The following SLC22A23 variants were observed in gnomAD, a reference collection of about 807,000 sequenced individuals.
The protein encoded by SLC22A23 is ion transporter protein.
SLC22A23 carries 26 observed loss-of-function variants against 61.0 expected under a neutral mutation model. The ratio of observed to expected loss-of-function variants is 0.43; its 90% CI spans 0.31 to 0.59. The LOEUF is 0.59. Among genes scored for constraint, SLC22A23 ranks in the 20% least tolerant of loss-of-function variants. The pLI is 0.11. For missense variants in SLC22A23, 796 were observed against 934.7 expected, an observed-to-expected ratio of 0.85 and a Z score of 1.94; for synonymous variants, 430 against 413.9, an observed-to-expected ratio of 1.04 and a Z score of -0.47.
At chr6:3,298,978 C>CAAA (rs56373817) in intron 4 of SLC22A23, among the ~76,000 whole-genome samples, 1 of 104,132 alleles carries the variant, frequency 9.6e-6, no homozygotes. Context: ...GACTCCGTCT[C>CAAA]AAAAAAAAAA....
At chr6:3,296,126 T>G (rs572619144) in intron 5 of SLC22A23, among the ~76,000 whole-genome samples, 9 of 152,184 alleles carry the variant, frequency 5.9e-5, no homozygotes, top group Non-Finnish European at 1.2e-4. Flanking sequence ...ACAAACAAAT[T>G]GTACTGTAAG....
chr6:3,428,822 A>G (rs1025192008), intron 1 of SLC22A23, among the ~76,000 whole-genome samples: 24 of 152,218 alleles, frequency 1.6e-4, no homozygotes, highest in African/African-American at 5.5e-4. Context: ...AAGGGTAACA[A>G]TAAGTGTTCA....
chr6:3,385,520 A>G (rs1191644797), intron 3 of SLC22A23, among the ~76,000 whole-genome samples: 2 of 145,180 alleles, frequency 1.4e-5, no homozygotes, highest in African/African-American at 5.3e-5. Flanking sequence ...TGTCTCAAAA[A>G]ACAAAAAAAA....
intron 3 of SLC22A23, among the ~76,000 whole-genome samples, chr6:3,356,560 AG>A (rs2127441834): frequency 6.6e-6 from 1 of 152,236 alleles, no homozygotes; most frequent in South Asian, 2.1e-4. Context: ...GCAAATCTTC[AG>A]CCCCAGAGAC....
intron 1 of SLC22A23, among the ~76,000 whole-genome samples, chr6:3,442,069 A>G (rs1771636921): frequency 6.6e-6 from 1 of 152,250 alleles, no homozygotes; most frequent in South Asian, 2.1e-4. Flanking sequence ...AATGTGGTGC[A>G]GGCACACAAT....
chr6:3,410,504 T>C lies in SLC22A23; in HGVS notation c.759-162A>G, dbSNP rs531313358. ...CACTTCACTAGATCCTAGGCTACTATGGGTAAAAAGGGAGATTTAGCCCAA... is the reference window on the plus strand; with the variant it reads ...CACTTCACTAGATCCTAGGCTACTACGGGTAAAAAGGGAGATTTAGCCCAA... On this transcript the variant is annotated intron_variant, in intron 2 of 9. Coordinates refer to ENST00000406686, the MANE Select transcript of SLC22A23 (RefSeq NM_015482.2). This position sits in a 1 kb window ranked among gnomAD's most constrained non-coding sequence, Gnocchi z 5.0. Among the ~76,000 whole-genome samples the C allele has an allele frequency of 4.6e-5, 7 of 152,256 alleles. No individual in the cohort carries two copies. In the East Asian group the frequency reaches 1.2e-3, roughly 25 times the overall value.
rs1767374438 is a variant in SLC22A23 at position 3,387,307 on chromosome 6, AG to A, written c.913+22880del. Reference sequence around the variant, plus strand: ...CCTGCCTCGATACGACGCCATGAGCAGGGTGGTGCTCTTCCCCCTAGTCTGA... The same window carrying A: ...CCTGCCTCGATACGACGCCATGAGCAGGTGGTGCTCTTCCCCCTAGTCTGA... On this transcript the variant is annotated intron_variant, in intron 3 of 9. Transcript: ENST00000406686. This position sits in a 1 kb window ranked among gnomAD's most constrained non-coding sequence, Gnocchi z 5.0. Among the ~76,000 whole-genome samples the A allele has an allele frequency of 6.6e-6, 1 of 152,246 alleles. No individual in the cohort carries two copies. Among genetic ancestry groups the A allele is most frequent in the South Asian group, 2.1e-4 (1 of 4,836 alleles).
chr6:3,370,962 G>A (rs1303756706), intron 3 of SLC22A23, among the ~76,000 whole-genome samples: 2 of 152,064 alleles, frequency 1.3e-5, no homozygotes, highest in East Asian at 1.9e-4. Context: ...ACCACAACAC[G>A]AAAATGAACT....
chr6:3,428,568 C>T (rs551448430), intron 1 of SLC22A23, among the ~76,000 whole-genome samples: 5 of 152,342 alleles, frequency 3.3e-5, no homozygotes, highest in African/African-American at 7.2e-5. Flanking sequence ...TGCAGCAGAG[C>T]GGGCTTGACA....
At chr6:3,397,836 G>T (rs113417296) in intron 3 of SLC22A23, among the ~76,000 whole-genome samples, 1 of 152,122 alleles carries the variant, frequency 6.6e-6, no homozygotes, top group Non-Finnish European at 1.5e-5. Context: ...ACACTCCGGG[G>T]CTGTATATGG....
intron 1 of SLC22A23, among the ~76,000 whole-genome samples, chr6:3,448,091 C>T (rs1402715469): frequency 4.0e-5 from 6 of 150,898 alleles, no homozygotes; most frequent in African/African-American, 1.2e-4. Flanking sequence ...TTAGTAGAGG[C>T]GGGGTTTCAC....
intron 1 of SLC22A23, among the ~76,000 whole-genome samples, chr6:3,447,895 CTCTT>C (rs1471411327): frequency 1.3e-4 from 10 of 78,114 alleles, no homozygotes; most frequent in Admixed American, 4.0e-4. Context: ...GCCTCTCTCT[CTCTT>C]TTTTTTTTTT....
At chr6:3,345,267 T>C (rs1764357768) in intron 3 of SLC22A23, among the ~76,000 whole-genome samples, 1 of 152,048 alleles carries the variant, frequency 6.6e-6, no homozygotes, top group African/African-American at 2.4e-5. Flanking sequence ...GAGTTTTATA[T>C]AGTCCATCTC....
chr6:3,444,147 G>C (rs927549350), intron 1 of SLC22A23, among the ~76,000 whole-genome samples: 11 of 152,150 alleles, frequency 7.2e-5, no homozygotes, highest in African/African-American at 2.7e-4. Flanking sequence ...TCACAGCAAT[G>C]GTTTATTTTA....
In SLC22A23 at chr6:3,456,358, A is replaced by G; in HGVS notation, c.202T>C (p.Ser68Pro). 6.5e-7 allele frequency: 1 copy of G among 1,546,222 alleles called. No homozygotes were observed. Among genetic ancestry groups the G allele is most frequent in the East Asian group, 2.5e-5 (1 of 40,780 alleles). ...AAGAGGCTCGGGGCCGCAGCCGCGG[A>G]GCAGCAGCTCGGGTGCGGGCCGCCT... ...PGGGPHPSCC[S>P]AAAAPSLLLL... The change falls in exon 1 of 10, where the codon TCC becomes CCC. Residue 68 changes from serine (S) to proline (P), a missense_variant. Physicochemically the swap from Ser to Pro is moderately conservative, Grantham distance 74. Transcript: ENST00000406686. The surrounding 1 kb of genome is among the most constrained non-coding windows in gnomAD (Gnocchi z 7.1).
chr6:3,440,048 G>T (rs1280175329), intron 1 of SLC22A23, among the ~76,000 whole-genome samples: 1 of 152,136 alleles, frequency 6.6e-6, no homozygotes, highest in African/African-American at 2.4e-5. Context: ...TGAAGCAAGG[G>T]AGTGATAAAG....
chr6:3,314,279 C>T (rs928098970), intron 4 of SLC22A23, among the ~76,000 whole-genome samples: 13 of 152,328 alleles, frequency 8.5e-5, no homozygotes, highest in African/African-American at 2.6e-4. Context: ...CAGGGCCCTC[C>T]GCTTGCCCGG....
chr6:3,289,896 G>T (rs1760411109), intron 5 of SLC22A23, 30 bp from the exon 6 acceptor site: 3 of 1,598,068 alleles, frequency 1.9e-6, no homozygotes, highest in East Asian at 4.5e-5. Context: ...GTGAGCCCTG[G>T]GCAGGCCGCC....
intron 5 of SLC22A23, among the ~76,000 whole-genome samples, chr6:3,293,705 A>C (rs7748835): frequency 6.6e-6 from 1 of 152,160 alleles, no homozygotes; most frequent in South Asian, 2.1e-4. Flanking sequence ...CCTTGCTTTC[A>C]TCACTTACAG....
Sources: gnomAD v4.1 joint callset for allele counts (sites outside exome capture counted in the v4.1 genomes callset) on GRCh38, gnomAD v4.1.1 for gene constraint, Gnocchi (gnomAD v3.1) non-coding constraint, MANE v1.5 for transcripts, NCBI Gene and HGNC (gene_info 2026-07-23, HGNC 2026-07-21) for gene names.